The following PIGG variants were observed in gnomAD, a reference collection of about 807,000 sequenced individuals.
PIGG encodes GPI ethanolamine phosphate transferase 2, catalytic subunit.
PIGG carries 70 observed loss-of-function variants against 83.2 expected under a neutral mutation model. The observed-to-expected ratio is 0.84, with a 90% CI of 0.69 to 1.03. The LOEUF (loss-of-function observed/expected upper bound fraction) is 1.03. Ranked by LOEUF, PIGG falls within the 50% of genes least tolerant of loss-of-function variation. The probability of loss-of-function intolerance (pLI) is 0.00; values close to 1 mark genes in which losing one functional copy is unlikely to be tolerated. For synonymous variants in PIGG, 532 were observed against 519.5 expected, an observed-to-expected ratio of 1.02 and a Z score of -0.33; for missense variants, 1,257 against 1,233.6, an observed-to-expected ratio of 1.02 and a Z score of -0.28.
chr4:525,111 G>A (rs1192758591), intron 9 of PIGG: 1 of 854,306 alleles, frequency 1.2e-6, no homozygotes, highest in Non-Finnish European at 1.4e-6. Context: ...GGCCAGCTTT[G>A]CCCTTAGCAA....
Position 512,279 on chromosome 4 carries a change from A to G in PIGG, c.901+3309A>G, listed in dbSNP as rs1242026292. Among the ~76,000 whole-genome samples the G allele has an allele frequency of 5.0e-5, 7 of 139,356 alleles. 1 individual carries two copies. The East Asian group carries it at 6.3e-4, about 13-fold the overall frequency. The allele number at this position is 139,356 out of a possible 152,430, so 91.4% of individuals were successfully genotyped here. On this transcript the variant is annotated intron_variant, in intron 5 of 12. Transcript: ENST00000453061. ...CTGTCACCCAGGCTGGAGTGCAGTG[A>G]CACGATCTCGGCTCACTGCCACCTC...
rs1245850162 is a variant in PIGG at position 515,542 on chromosome 4, G to A, written c.902-431G>A. On this transcript the variant is annotated intron_variant, in intron 5 of 12. Coordinates refer to ENST00000453061, the MANE Select transcript of PIGG (RefSeq NM_001127178.3). The surrounding 1 kb of genome is among the most constrained non-coding windows in gnomAD (Gnocchi z 4.2). ...TTTCTCCATGAGCAACAGCATGTGT[G>A]CTCGTAGAGGGCAGAGCATGGGATG... Among the ~76,000 whole-genome samples, 1 of 152,248 alleles carries A rather than the reference G, an allele frequency of 6.6e-6. No individual in the cohort carries two copies. Among genetic ancestry groups the A allele is most frequent in the Non-Finnish European group, 1.5e-5 (1 of 68,046 alleles).
At chr4:525,960 C>G (rs968541976) in intron 9 of PIGG, 1 of 152,198 alleles carries the variant, frequency 6.6e-6, no homozygotes, top group Non-Finnish European at 1.5e-5. Flanking sequence ...CGGAATAGCA[C>G]TTTGACACCT....
chr4:510,637 G>A (rs886499111), intron 5 of PIGG, among the ~76,000 whole-genome samples: 6 of 152,286 alleles, frequency 3.9e-5, no homozygotes, highest in Admixed American at 1.3e-4. Flanking sequence ...TGCAAGTGCC[G>A]GACTCATCAC....
chr4:522,520 C>T (rs184648809), intron 8 of PIGG: 52 of 185,662 alleles, frequency 2.8e-4, no homozygotes, highest in African/African-American at 1.1e-3. Flanking sequence ...GAGGAAGAGG[C>T]GGATGGTCAC....
At chr4:510,426 C>G (rs183940101) in intron 5 of PIGG, among the ~76,000 whole-genome samples, 48 of 152,198 alleles carry the variant, frequency 3.2e-4, no homozygotes, top group African/African-American at 1.1e-3. Flanking sequence ...CCCTCATTCC[C>G]GTAAACCCAC....
In PIGG at chr4:508,815, C is replaced by T; in HGVS notation, c.760-14C>T. The T allele has an allele frequency of 6.2e-7, 1 of 1,612,488 alleles. No homozygotes were observed. The highest frequency in any genetic ancestry group is 8.5e-7 in the Non-Finnish European group (1 of 1,179,162). On this transcript the variant is annotated splice_polypyrimidine_tract_variant and intron_variant, in intron 4 of 12. Coordinates refer to ENST00000453061, the MANE Select transcript of PIGG (RefSeq NM_001127178.3). ...GTCTGAACGCAGTTGAAATGTTTTT[C>T]CTTTGCCTTAAAGGAGAGAGAGACG... is the stretch of plus-strand genomic sequence containing the variant.
chr4:502,637 C>G (rs1303647512), intron 2 of PIGG, among the ~76,000 whole-genome samples: 1 of 151,992 alleles, frequency 6.6e-6, no homozygotes. Context: ...ATTGACAGAC[C>G]TGAGCTTTCC....
Position 499,369 on chromosome 4 carries a change from T to G in PIGG, c.34T>G (p.Cys12Gly), listed in dbSNP as rs1553873988. The change falls in exon 1 of 13, where the codon TGC becomes GGC. Residue 12 changes from cysteine to glycine, a missense_variant. Cys to Gly is a radical substitution (Grantham distance 159). Transcript: ENST00000453061. ...RLGSGTFATC[C>G]VAIEVLGIAV... ...GGGCTCCGGGACTTTCGCTACCTGT[T>G]GCGTAGCGATCGAGGTGCTAGGGAT... 2 of 1,609,874 alleles carry G rather than the reference T, an allele frequency of 1.2e-6. No individual in the cohort carries two copies. The highest frequency in any genetic ancestry group is 1.3e-5 in the African/African-American group (1 of 74,922).
intron 12 of PIGG, among the ~76,000 whole-genome samples, chr4:537,628 TAAG>T (rs756733319): frequency 2.0e-5 from 3 of 151,872 alleles, no homozygotes; most frequent in Non-Finnish European, 2.9e-5. Context: ...GGGACCCGCC[TAAG>T]GAGCCAGGGC....
chr4:509,481 G>A (rs1400524459), intron 5 of PIGG, among the ~76,000 whole-genome samples: 2 of 152,128 alleles, frequency 1.3e-5, no homozygotes, highest in African/African-American at 2.4e-5. Flanking sequence ...CTCTGCCCTC[G>A]CGGCCGCCGG....
chr4:514,060 G>A (rs1723083673), intron 5 of PIGG, among the ~76,000 whole-genome samples: 2 of 152,130 alleles, frequency 1.3e-5, no homozygotes, highest in Admixed American at 1.3e-4. Flanking sequence ...GCATGTTAAC[G>A]TCTTTAAAAG....
intron 12 of PIGG, 141 bp from the exon 13 acceptor site, chr4:539,012 G>A (rs1731427657): frequency 3.2e-6 from 2 of 625,702 alleles, no homozygotes; most frequent in Admixed American, 2.7e-5. Flanking sequence ...ATAGTGACTG[G>A]ATGTGTGTGC....
chr4:506,497 G>T (rs767032325), intron 3 of PIGG, among the ~76,000 whole-genome samples: 247 of 152,236 alleles, frequency 1.6e-3, no homozygotes, highest in Non-Finnish European at 2.9e-3. Flanking sequence ...GGTTTAGCCA[G>T]CTTCACCTCC....
At chr4:499,765 C>CT in intron 1 of PIGG, 1 of 1,298,990 alleles carries the variant, frequency 7.7e-7, no homozygotes, top group East Asian at 3.3e-5. Flanking sequence ...CTCTCCACTT[C>CT]TACTCGTCCA....
chr4:522,771 G>C (rs1419825941), intron 8 of PIGG: 1 of 153,616 alleles, frequency 6.5e-6, no homozygotes, highest in African/African-American at 2.4e-5. Context: ...TCTCTCTCCT[G>C]CTATTGAATT....
rs1723661169 is a variant in PIGG, at chr4:515,899, A to G, written c.902-74A>G. 51 of 1,138,988 alleles carry G rather than the reference A, an allele frequency of 4.5e-5. 1 individual carries two copies. The South Asian group carries it at 6.3e-4, about 14-fold the overall frequency. 70.6% of individuals were successfully genotyped at this position (1,138,988 alleles called of 1,614,324 possible). ...TCATTTGGCTCATGTTAGTTGTAGA[A>G]GGTCTAATTCAAGAATGAGTACCAT... On this transcript the variant is annotated intron_variant, in intron 5 of 12. Coordinates refer to ENST00000453061, the MANE Select transcript of PIGG (RefSeq NM_001127178.3). This position sits in a 1 kb window ranked among gnomAD's most constrained non-coding sequence, Gnocchi z 4.2.
In PIGG at chr4:530,438, GTAT is replaced by G. The variant is rs769896861; in HGVS notation, c.2269_2271del (p.Ile757del). ...TAACTTGTTTTGCTCTTTTTTAGGG[GTAT>G]TATTGAAGCTCGTTTTGTTTATGTC... On this transcript the variant is annotated inframe_deletion, in exon 11 of 13. Coordinates refer to ENST00000453061, the MANE Select transcript of PIGG (RefSeq NM_001127178.3). The G allele has an allele frequency of 6.2e-7, 1 of 1,608,528 alleles. No individual in the cohort carries two copies. Among genetic ancestry groups the G allele is most frequent in the Admixed American group, 1.7e-5 (1 of 59,820 alleles).
intron 2 of PIGG, 77 bp downstream of exon 2, chr4:500,678 C>G (rs1263161553): frequency 4.3e-6 from 4 of 920,482 alleles, no homozygotes; most frequent in Middle Eastern, 3.1e-4. Flanking sequence ...TAGTCTTTCG[C>G]TTGGAGTTGC....
Sources: allele counts gnomAD v4.1 joint callset (sites outside exome capture counted in the v4.1 genomes callset), GRCh38; gene constraint gnomAD v4.1.1; non-coding constraint Gnocchi (gnomAD v3.1); transcripts MANE v1.5; gene names NCBI Gene and HGNC (gene_info 2026-07-23, HGNC 2026-07-21).